The following ACTL8 variants were observed in gnomAD, a reference collection of about 807,000 sequenced individuals.
The protein encoded by ACTL8 is actin like 8.
Under a neutral mutation model 9.3 loss-of-function variants are expected in ACTL8, and 3 were observed. That is an observed-to-expected ratio of 0.32 (90% CI 0.15 to 0.83). The LOEUF is 0.83. Ranked by LOEUF, ACTL8 falls within the 40% of genes least tolerant of loss-of-function variation. The pLI, the probability that ACTL8 is intolerant of heterozygous loss-of-function variation, is 0.57. For missense variants in ACTL8, 381 were observed against 492.2 expected, an observed-to-expected ratio of 0.77 and a Z score of 2.14; for synonymous variants, 224 against 205.9, an observed-to-expected ratio of 1.09 and a Z score of -0.75.
intron 1 of ACTL8, among the ~76,000 whole-genome samples, chr1:17,798,968 G>T (rs2066299209): frequency 6.6e-6 from 1 of 152,152 alleles, no homozygotes; most frequent in South Asian, 2.1e-4. Context: ...CTGCACTGCT[G>T]TGAAGTCCAC....
intron 1 of ACTL8, among the ~76,000 whole-genome samples, chr1:17,777,611 A>G (rs2066126849): frequency 6.6e-6 from 1 of 152,184 alleles, no homozygotes; most frequent in African/African-American, 2.4e-5. Context: ...GCTCGTGGGA[A>G]AGAATCCATC....
At chr1:17,757,264 G>C (rs1569984518) in intron 1 of ACTL8, among the ~76,000 whole-genome samples, 1 of 70,206 alleles carries the variant, frequency 1.4e-5, no homozygotes, top group East Asian at 8.3e-4. Context: ...CCTTAAGGAA[G>C]TTCTTATTTC....
Position 17,767,387 on chromosome 1 carries a change from C to T in ACTL8, c.-25+11883C>T, listed in dbSNP as rs528424067. 2.6e-4 allele frequency among the ~76,000 whole-genome samples: 40 copies of T among 152,224 alleles called. No individual in the cohort carries two copies. Among genetic ancestry groups the T allele is most frequent in the South Asian group, 6.2e-4 (3 of 4,826 alleles). On this transcript the variant is annotated intron_variant, in intron 1 of 2. Coordinates refer to ENST00000375406, the MANE Select transcript of ACTL8 (RefSeq NM_030812.3). This position sits in a 1 kb window ranked among gnomAD's most constrained non-coding sequence, Gnocchi z 4.7. ...CCGTCCCTGTGGTACAGGGGTGAGA[C>T]GATGCTGGCAACTTAGCCTCAGGGT...
intron 1 of ACTL8, among the ~76,000 whole-genome samples, chr1:17,805,992 C>T (rs2066357723): frequency 1.3e-5 from 2 of 152,178 alleles, no homozygotes; most frequent in Non-Finnish European, 2.9e-5. Context: ...GTGTCCTGGA[C>T]ATTGGTGTAT....
Position 17,769,109 on chromosome 1 carries a change from G to A in ACTL8, c.-25+13605G>A, listed in dbSNP as rs116416890. Among the ~76,000 whole-genome samples the A allele has an allele frequency of 3.5e-3, 533 of 152,214 alleles. 4 individuals are homozygous for A. Among genetic ancestry groups the A allele is most frequent in the African/African-American group, 0.012 (502 of 41,516 alleles). On this transcript the variant is annotated intron_variant, in intron 1 of 2. Transcript: ENST00000375406. ...AGAAGGTCCTGCTTCTTGCTACGTC[G>A]CCCAGGCCTGGCCAATATTCTCCAC...
intron 1 of ACTL8, among the ~76,000 whole-genome samples, chr1:17,792,625 G>A (rs1187429208): frequency 1.3e-5 from 2 of 152,178 alleles, no homozygotes; most frequent in East Asian, 3.8e-4. Context: ...CTCCCTTGGG[G>A]CCCTGCTCAT....
At chr1:17,791,290 C>T (rs572469177) in intron 1 of ACTL8, among the ~76,000 whole-genome samples, 7 of 152,164 alleles carry the variant, frequency 4.6e-5, no homozygotes, top group South Asian at 2.1e-4. Flanking sequence ...CTGCAGCAGG[C>T]GTGATGGCAG....
chr1:17,770,948 C>T (rs1343913227), intron 1 of ACTL8, among the ~76,000 whole-genome samples: 3 of 152,098 alleles, frequency 2.0e-5, no homozygotes, highest in East Asian at 1.9e-4. Context: ...GCTGGGGGCG[C>T]GGGTAATTTA....
At chr1:17,763,056 A>T (rs540704548) in intron 1 of ACTL8, among the ~76,000 whole-genome samples, 7 of 152,118 alleles carry the variant, frequency 4.6e-5, no homozygotes, top group Non-Finnish European at 1.0e-4. Flanking sequence ...TCTTGGACTG[A>T]GACCTTTGGG....
At chr1:17,807,953 T>A (rs1052914997) in intron 1 of ACTL8, among the ~76,000 whole-genome samples, 2 of 152,020 alleles carry the variant, frequency 1.3e-5, no homozygotes, top group African/African-American at 4.8e-5. Flanking sequence ...GTAACAAAAT[T>A]GGATGTTCTG....
chr1:17,766,175 C>A (rs1445339206), intron 1 of ACTL8, among the ~76,000 whole-genome samples: 1 of 152,140 alleles, frequency 6.6e-6, no homozygotes, highest in African/African-American at 2.4e-5. Context: ...GACCTCTGAA[C>A]CCTGGCTTTT....
rs933435230 is a variant in ACTL8, at chr1:17,823,727, C to CA, written c.348+378dup. 1.3e-5 allele frequency among the ~76,000 whole-genome samples: 2 copies of CA among 151,890 alleles called. No homozygotes were observed. Among genetic ancestry groups the CA allele is most frequent in the African/African-American group, 4.8e-5 (2 of 41,352 alleles). On this transcript the variant is annotated intron_variant, in intron 2 of 2. Coordinates refer to ENST00000375406, the MANE Select transcript of ACTL8 (RefSeq NM_030812.3). The surrounding 1 kb of genome is among the most constrained non-coding windows in gnomAD (Gnocchi z 5.3). ...TGGGCAACAGAGCAAGGCCCTGTCT[C>CA]AAAAAAACAAACAAACAAAAAAACC...
At chr1:17,786,854 T>C (rs1252392143) in intron 1 of ACTL8, among the ~76,000 whole-genome samples, 1 of 151,802 alleles carries the variant, frequency 6.6e-6, no homozygotes, top group Non-Finnish European at 1.5e-5. Flanking sequence ...ACCACCATGC[T>C]GGCCTATTTT....
intron 2 of ACTL8, among the ~76,000 whole-genome samples, chr1:17,825,560 G>C (rs1183743063): frequency 6.6e-6 from 1 of 152,184 alleles, no homozygotes; most frequent in Non-Finnish European, 1.5e-5. Flanking sequence ...GCCACGACCA[G>C]ACAAGCTCCT....
At chr1:17,818,569 T>TTC (rs1246004366) in intron 1 of ACTL8, among the ~76,000 whole-genome samples, 1 of 152,248 alleles carries the variant, frequency 6.6e-6, no homozygotes, top group Non-Finnish European at 1.5e-5. Context: ...CTAGAACTCA[T>TTC]CTGACCTTGT....
At position 17,826,103 on chromosome 1, in the gene ACTL8, C is replaced by CAG. The variant is rs747053631; in HGVS notation, c.688_689dup (p.Ser230ArgfsTer20). 2.5e-6 allele frequency: 4 copies of CAG among 1,609,694 alleles called. No homozygotes were observed. The highest frequency in any genetic ancestry group is 3.4e-6 in the Non-Finnish European group (4 of 1,179,492). On this transcript the variant is annotated frameshift_variant, in exon 3 of 3. Coordinates refer to ENST00000375406, the MANE Select transcript of ACTL8 (RefSeq NM_030812.3). LOFTEE classifies it low-confidence loss of function (END_TRUNC). This position sits in a 1 kb window ranked among gnomAD's most constrained non-coding sequence, Gnocchi z 4.5. ...GGCCCTGGACTTTCGTGAGAGGCAG[C>CAG]AGAGTGCCTTGGATGAGAGCAACAC...
At position 17,826,168 on chromosome 1, in the gene ACTL8, C is replaced by T. The variant is rs1570052999; in HGVS notation, c.750C>T (p.Pro250=). The stretch of plus-strand genomic sequence containing the variant: ...ACGGCTCCCGCGTGGAGCTGACCCC[C>T]ATGCAGCGGGTGGCTCCTGAGATGT... ...LPDGSRVELT[P]MQRVAPEMFF... Residue 250 remains proline (P), a synonymous_variant, in exon 3 of 3, where the codon CCC becomes CCT. Coordinates refer to ENST00000375406, the MANE Select transcript of ACTL8 (RefSeq NM_030812.3). This position sits in a 1 kb window ranked among gnomAD's most constrained non-coding sequence, Gnocchi z 4.5. 3.1e-6 allele frequency: 5 copies of T among 1,612,986 alleles called. No homozygotes were observed. Among genetic ancestry groups the T allele is most frequent in the Non-Finnish European group, 3.4e-6 (4 of 1,179,788 alleles).
chr1:17,800,656 C>A (rs529539145), intron 1 of ACTL8, among the ~76,000 whole-genome samples: 34 of 128,972 alleles, frequency 2.6e-4, no homozygotes, highest in African/African-American at 9.0e-4. Flanking sequence ...AGTGCAGTGG[C>A]GTGATCTCGG....
At chr1:17,822,498 A>G (rs2124194376) in intron 1 of ACTL8, among the ~76,000 whole-genome samples, 1 of 152,282 alleles carries the variant, frequency 6.6e-6, no homozygotes, top group South Asian at 2.1e-4. Context: ...GCTCACTAAT[A>G]CAATGCCTGC....
Sources: gnomAD v4.1 joint callset for allele counts (sites outside exome capture counted in the v4.1 genomes callset) on GRCh38, gnomAD v4.1.1 for gene constraint, Gnocchi (gnomAD v3.1) non-coding constraint, MANE v1.5 for transcripts, NCBI Gene and HGNC (gene_info 2026-07-23, HGNC 2026-07-21) for gene names.